Variants in LYST observed in about 807,000 individuals in gnomAD.
LYST encodes the protein lysosomal trafficking regulator, also known as lysosomal-trafficking regulator.
A neutral mutation model predicts 413.6 loss-of-function variants in LYST; 192 were observed. The ratio of observed to expected loss-of-function variants is 0.46; its 90% CI spans 0.41 to 0.52. The LOEUF is 0.52. LYST is among the 20% of genes least tolerant of loss of function. The pLI, the probability that LYST is intolerant of heterozygous loss-of-function variation, is 0.00. For synonymous variants in LYST, 1,525 were observed against 1,567.3 expected, an observed-to-expected ratio of 0.97 and a Z score of 0.64; for missense variants, 3,815 against 4,499.9, an observed-to-expected ratio of 0.85 and a Z score of 4.35.
intron 45 of LYST, among the ~76,000 whole-genome samples, chr1:235,697,651 A>G (rs1295604022): frequency 6.6e-6 from 1 of 152,202 alleles, no homozygotes; most frequent in African/African-American, 2.4e-5. Flanking sequence ...ACATATGGTA[A>G]TAGAAATCAA....
chr1:235,733,384 A>G (rs1162085436), intron 34 of LYST, 119 bp downstream of exon 34: 4 of 870,368 alleles, frequency 4.6e-6, no homozygotes, highest in Non-Finnish European at 7.4e-6. Context: ...AAATGATTAA[A>G]CAAAAAATTG....
intron 3 of LYST, chr1:235,828,215 A>G: frequency 1.1e-6 from 1 of 918,404 alleles, no homozygotes; most frequent in Non-Finnish European, 1.3e-6. Context: ...TAAAAGAGAA[A>G]GCATAAAATC....
chr1:235,806,480 G>C lies in LYST; in HGVS notation c.2656C>G (p.Arg886Gly), dbSNP rs1037862310. 6.2e-7 allele frequency: 1 copy of C among 1,614,036 alleles called. No individual in the cohort carries two copies. The change falls in exon 6 of 53, where the codon CGG becomes GGG. Residue 886 changes from arginine (R) to glycine (G), a missense_variant. Transcript: ENST00000389793. The stretch of plus-strand genomic sequence containing the variant: ...TGAACATCTTGGTTAACAGTCTTCC[G>C]TCTCTTTGGATAAGCTTCTTTGAGG... ...AGLKEAYPKR[R>G]KTVNQDVHIN...
chr1:235,799,830 G>C (rs1671998556), intron 10 of LYST, among the ~76,000 whole-genome samples: 1 of 145,122 alleles, frequency 6.9e-6, no homozygotes, highest in Non-Finnish European at 1.5e-5. Flanking sequence ...AAACATACTT[G>C]CACTCTGGCT....
chr1:235,834,978 G>A (rs932114757), intron 1 of LYST, among the ~76,000 whole-genome samples: 10 of 151,792 alleles, frequency 6.6e-5, no homozygotes, highest in Admixed American at 6.6e-5. Flanking sequence ...GCAGTGGCGC[G>A]ATCTCGGGTC....
chr1:235,881,132 C>T (rs778789455), intron 1 of LYST, among the ~76,000 whole-genome samples: 8 of 152,134 alleles, frequency 5.3e-5, no homozygotes, highest in Non-Finnish European at 7.3e-5. Flanking sequence ...CAGGTCATAA[C>T]GAAGTGGTAA....
At chr1:235,880,748 G>A (rs1015353884) in intron 1 of LYST, among the ~76,000 whole-genome samples, 3 of 152,150 alleles carry the variant, frequency 2.0e-5, no homozygotes, top group Non-Finnish European at 2.9e-5. Context: ...ACCCTTAAAT[G>A]TCCCTAGGAT....
chr1:235,763,816 G>A (rs946263876), intron 21 of LYST, among the ~76,000 whole-genome samples: 17 of 151,884 alleles, frequency 1.1e-4, no homozygotes, highest in Admixed American at 7.9e-4. Context: ...TATAATGCAG[G>A]CTTTATCATC....
rs995294637 is a variant in LYST at position 235,770,316 on chromosome 1, A to T, written c.5785-19T>A. On this transcript the variant is annotated intron_variant, in intron 19 of 52. Transcript: ENST00000389793. Reference sequence around the variant, plus strand: ...CACCTTGCTGAAGAGATAAACACACACCAATAAGCACATACTTACTGAAAA... The same window carrying T: ...CACCTTGCTGAAGAGATAAACACACTCCAATAAGCACATACTTACTGAAAA... 1 of 1,613,086 alleles carries T rather than the reference A, an allele frequency of 6.2e-7. No homozygotes were observed. The highest frequency in any genetic ancestry group is 8.5e-7 in the Non-Finnish European group (1 of 1,179,224).
chr1:235,865,758 G>A (rs552139999), intron 1 of LYST, among the ~76,000 whole-genome samples: 26 of 152,282 alleles, frequency 1.7e-4, no homozygotes, highest in African/African-American at 6.3e-4. Flanking sequence ...GAATCTAGGC[G>A]TGGAATTTTA....
chr1:235,868,302 A>C (rs116493678), upstream of LYST, among the ~76,000 whole-genome samples: 3,325 of 152,224 alleles, frequency 0.022, 117 homozygotes, highest in African/African-American at 0.074. Context: ...CACTCATTTA[A>C]GCAGTATATA....
At chr1:235,764,316 T>G (rs1464886599) in intron 21 of LYST, among the ~76,000 whole-genome samples, 1 of 152,122 alleles carries the variant, frequency 6.6e-6, no homozygotes, top group Non-Finnish European at 1.5e-5. Flanking sequence ...TGTAAACGTC[T>G]TAAGAGAGGG....
intron 21 of LYST, 23 bp downstream of exon 21, chr1:235,766,056 C>T (rs781099705): frequency 6.4e-7 from 1 of 1,562,078 alleles, no homozygotes; most frequent in Admixed American, 1.7e-5. Flanking sequence ...TAGCCATGAT[C>T]TAACAAAAAT....
intron 38 of LYST, among the ~76,000 whole-genome samples, chr1:235,725,608 C>T (rs1663799239): frequency 6.6e-6 from 1 of 152,104 alleles, no homozygotes; most frequent in Non-Finnish European, 1.5e-5. Context: ...CCTGGAAACG[C>T]CCGAGCTGTG....
rs1665928266 is a variant in LYST, at chr1:235,746,374, C to T, written c.7934G>A (p.Arg2645Lys). 1 of 1,613,788 alleles carries T rather than the reference C, an allele frequency of 6.2e-7. No individual in the cohort carries two copies. Among genetic ancestry groups the T allele is most frequent in the Admixed American group, 1.7e-5 (1 of 59,980 alleles). The change falls in exon 29 of 53, where the codon AGG (arginine) becomes AAG (lysine). Residue 2645 changes from arginine (R) to lysine (K), a missense_variant. Around this residue, in one of 4 missense-constraint regions of LYST, gnomAD observed 771 missense variants for 837.1 expected, o/e 0.92. Coordinates refer to ENST00000389793, the MANE Select transcript of LYST (RefSeq NM_000081.4). ...CCTGTTGACTGCTAAAACAGTGAGCCTCTGTAGTCTCTGCGCAAGTTCCGT... is the reference window on the plus strand; with the variant it reads ...CCTGTTGACTGCTAAAACAGTGAGCTTCTGTAGTCTCTGCGCAAGTTCCGT... The part of the protein sequence containing the change: ...TETELAQRLQ[R>K]LTVLAVNRII...
chr1:235,801,852 G>A (rs1048900469), intron 8 of LYST, among the ~76,000 whole-genome samples: 2 of 152,128 alleles, frequency 1.3e-5, no homozygotes, highest in African/African-American at 4.8e-5. Flanking sequence ...TTCACTAGAT[G>A]AGAGCGAGAA....
intron 25 of LYST, 54 bp downstream of exon 25, chr1:235,755,424 A>AAAAGG (rs1230586271): frequency 1.4e-6 from 2 of 1,455,456 alleles, no homozygotes; most frequent in East Asian, 4.5e-5. Flanking sequence ...AAAAGAAAAG[A>AAAAGG]AAAGAAAAAA....
intron 50 of LYST, among the ~76,000 whole-genome samples, chr1:235,672,749 G>A (rs193103520): frequency 8.3e-4 from 127 of 152,176 alleles, no homozygotes; most frequent in African/African-American, 2.9e-3. Context: ...GTGTTTTCCC[G>A]TTACCCTATT....
rs1011854051 is a variant in LYST at position 235,751,880 on chromosome 1, T to A, written c.7627+125A>T. On this transcript the variant is annotated intron_variant, in intron 27 of 52. Coordinates refer to ENST00000389793, the MANE Select transcript of LYST (RefSeq NM_000081.4). ...AGGCTTCTTTTTAAAAACTGATAGA[T>A]ACTATTACAAAATTAATGTTAAACT... 1.5e-5 allele frequency: 11 copies of A among 744,650 alleles called. No homozygotes were observed. In the Admixed American group the frequency reaches 3.1e-4, roughly 21 times the overall value. 46.1% of individuals were successfully genotyped at this position (744,650 alleles called of 1,614,324 possible).
Sources: allele counts gnomAD v4.1 joint callset (sites outside exome capture counted in the v4.1 genomes callset), GRCh38; gene constraint gnomAD v4.1.1; regional missense constraint gnomAD v4.1.1; transcripts MANE v1.5; gene names NCBI Gene and HGNC (gene_info 2026-07-23, HGNC 2026-07-21).